Variants in BIRC7 observed in about 807,000 individuals in gnomAD.
The protein encoded by BIRC7 is baculoviral IAP repeat-containing protein 7.
In BIRC7, 26 loss-of-function variants were observed where a neutral mutation model predicts 33.2. The ratio of observed to expected loss-of-function variants is 0.78; its 90% CI spans 0.57 to 1.09. The LOEUF (loss-of-function observed/expected upper bound fraction) is 1.09. BIRC7 is among the 50% of genes least tolerant of loss of function. The pLI, the probability that BIRC7 is intolerant of heterozygous loss-of-function variation, is 0.00. For missense variants in BIRC7, 409 were observed against 401.2 expected, an observed-to-expected ratio of 1.02 and a Z score of -0.17; for synonymous variants, 176 against 171.0, an observed-to-expected ratio of 1.03 and a Z score of -0.23.
rs866304406 is a variant in BIRC7 at position 63,236,344 on chromosome 20, G to A, written c.248G>A (p.Gly83Asp). ...TTGTCCAGGGGGCCTGCCTTCCCCG[G>A]CATGGGCTCTGAGGAGTTGCGTCTG... is the stretch of plus-strand genomic sequence containing the variant. ...ATLSRGPAFPGMGSEELRLAS... is the reference protein window; with the variant it reads ...ATLSRGPAFPDMGSEELRLAS... Residue 83 changes from glycine (G) to aspartate (D), a missense_variant, in exon 1 of 7, where the codon GGC (glycine) becomes GAC (aspartate). Transcript: ENST00000217169. 6.2e-7 allele frequency: 1 copy of A among 1,603,686 alleles called. No homozygotes were observed. Among genetic ancestry groups the A allele is most frequent in the South Asian group, 1.1e-5 (1 of 90,692 alleles).
chr20:63,240,063 CCCCAT>C (rs1743615325), intron 6 of BIRC7, among the ~76,000 whole-genome samples, 188 bp from the exon 7 acceptor site: 1 of 152,208 alleles, frequency 6.6e-6, no homozygotes, highest in Non-Finnish European at 1.5e-5. Flanking sequence ...GGGTGGGATA[CCCCAT>C]ACTGGCCGAG....
At chr20:63,237,731 T>G (rs1032388584) in intron 1 of BIRC7, among the ~76,000 whole-genome samples, 172 bp from the exon 2 acceptor site, 6 of 152,112 alleles carry the variant, frequency 3.9e-5, no homozygotes, top group Non-Finnish European at 5.9e-5. Flanking sequence ...TCACCTTTGA[T>G]GCTAATGAGG....
chr20:63,238,197 T>C, intron 2 of BIRC7, 195 bp downstream of exon 2: 2 of 856,468 alleles, frequency 2.3e-6, no homozygotes, highest in African/African-American at 1.7e-5. Flanking sequence ...GAAGGGCTGC[T>C]GGGGGCAGAA....
chr20:63,238,180 C>A, intron 2 of BIRC7, 178 bp downstream of exon 2: 1 of 853,324 alleles, frequency 1.2e-6, no homozygotes, highest in Non-Finnish European at 1.8e-6. Context: ...GTGAGGGCCC[C>A]TTTTCGGAAG....
chr20:63,238,814 C>G, intron 4 of BIRC7, 200 bp downstream of exon 4: 1 of 729,720 alleles, frequency 1.4e-6, no homozygotes, highest in Non-Finnish European at 2.2e-6. Flanking sequence ...TCCCCCAGTG[C>G]CAGGCCCCAT....
At position 63,238,558 on chromosome 20, in the gene BIRC7, G is replaced by A. The variant is rs199946289; in HGVS notation, c.532-11G>A. ...TTTCCCCAAGGCCTGATGGTCTCTG[G>A]CTCCTTCCAGGACCCGTGGGAAGAA... On this transcript the variant is annotated splice_polypyrimidine_tract_variant and intron_variant, in intron 3 of 6. Transcript: ENST00000217169. The A allele has an allele frequency of 2.5e-6, 4 of 1,613,112 alleles. No homozygotes were observed. In the East Asian group the frequency reaches 6.7e-5, roughly 27 times the overall value.
intron 1 of BIRC7, 135 bp from the exon 2 acceptor site, chr20:63,237,768 C>A: frequency 1.5e-6 from 1 of 673,090 alleles, no homozygotes; most frequent in East Asian, 3.1e-5. Context: ...CACCAAGCCC[C>A]CTGCCCACCC....
Position 63,238,310 on chromosome 20 carries a change from C to T in BIRC7, c.450-86C>T, listed in dbSNP as rs1044199004. The stretch of plus-strand genomic sequence containing the variant: ...ACTGCAGGGTGGCGGGAGGAGGGGG[C>T]CCAACCCTGACCCCCGGGGATCCAA... On this transcript the variant is annotated intron_variant, in intron 2 of 6. Transcript: ENST00000217169. 3.3e-6 allele frequency: 5 copies of T among 1,514,248 alleles called. No homozygotes were observed. In the African/African-American group the frequency reaches 5.5e-5, roughly 17 times the overall value. 93.8% of individuals were successfully genotyped at this position (1,514,248 alleles called of 1,614,324 possible).
At position 63,237,893 on chromosome 20, in the gene BIRC7, C is replaced by T. The variant is rs374522280; in HGVS notation, c.350-10C>T. The stretch of plus-strand genomic sequence containing the variant: ...GACTTGGCTGGGGCCAGCATCTCTC[C>T]GCACCCCAGGCCATCAGGACAAGGT... On this transcript the variant is annotated splice_polypyrimidine_tract_variant and intron_variant, in intron 1 of 6. Coordinates refer to ENST00000217169, the MANE Select transcript of BIRC7 (RefSeq NM_139317.3). 183 of 1,590,274 alleles carry T rather than the reference C, an allele frequency of 1.2e-4. No homozygotes were observed. The Middle Eastern group carries it at 1.3e-3, about 12-fold the overall frequency.
chr20:63,239,860 C>T (rs1018654528), intron 6 of BIRC7, among the ~76,000 whole-genome samples: 3 of 152,234 alleles, frequency 2.0e-5, no homozygotes, highest in African/African-American at 4.8e-5. Flanking sequence ...CATTAACTGA[C>T]GCCTGCTGGC....
chr20:63,235,968 C>T lies in BIRC7; in HGVS notation c.-129C>T, dbSNP rs1480595866. On this transcript the variant is annotated 5_prime_UTR_variant, in exon 1 of 7. Coordinates refer to ENST00000217169, the MANE Select transcript of BIRC7 (RefSeq NM_139317.3). ...CAGGGTGTCTGGTGGCAGGCCTGTGCCTATCCCTGCTGTCCCCAGGGTGGG... is the reference window on the plus strand; with the variant it reads ...CAGGGTGTCTGGTGGCAGGCCTGTGTCTATCCCTGCTGTCCCCAGGGTGGG... 3 of 1,207,026 alleles carry T rather than the reference C, an allele frequency of 2.5e-6. No homozygotes were observed. The highest frequency in any genetic ancestry group is 3.4e-6 in the Non-Finnish European group (3 of 886,324). The allele number at this position is 1,207,026 out of a possible 1,614,324, so 74.8% of individuals were successfully genotyped here.
intron 2 of BIRC7, 180 bp from the exon 3 acceptor site, chr20:63,238,216 C>A: frequency 1.1e-6 from 1 of 879,164 alleles, no homozygotes; most frequent in Non-Finnish European, 1.8e-6. Context: ...AAATGCCTCT[C>A]CCATGGGACT....
chr20:63,236,455 G>T lies in BIRC7; in HGVS notation c.349+10G>T. ...GGCTTCTTCCACACAGGTCAGTCCC[G>T]GGCGGGGGGGCCTTCCTGCCGTGGG... On this transcript the variant is annotated intron_variant, in intron 1 of 6. Transcript: ENST00000217169. The T allele has an allele frequency of 2.0e-6, 3 of 1,510,514 alleles. No homozygotes were observed. Among genetic ancestry groups the T allele is most frequent in the Non-Finnish European group, 2.6e-6 (3 of 1,132,456 alleles). The allele number at this position is 1,510,514 out of a possible 1,614,324, so 93.6% of individuals were successfully genotyped here.
chr20:63,237,560 G>A (rs2066698396), intron 1 of BIRC7, among the ~76,000 whole-genome samples: 1 of 152,132 alleles, frequency 6.6e-6, no homozygotes, highest in African/African-American at 2.4e-5. Flanking sequence ...CAGAGACCTG[G>A]GGAGGGGCCC....
Position 63,238,460 on chromosome 20 carries a change from C to A in BIRC7, c.514C>A (p.Gln172Lys), listed in dbSNP as rs1396531264. 6.2e-7 allele frequency: 1 copy of A among 1,612,878 alleles called. No individual in the cohort carries two copies. The highest frequency in any genetic ancestry group is 1.1e-5 in the South Asian group (1 of 91,086). Residue 172 changes from glutamine (Q) to lysine (K), a missense_variant, in exon 3 of 7, where the codon CAG (glutamine) becomes AAG (lysine). Gln to Lys is a moderately conservative substitution (Grantham distance 53, BLOSUM62 1). Transcript: ENST00000217169. ...FVHSVQETHS[Q>K]LLGSWDPWEE... The stretch of plus-strand genomic sequence containing the variant: ...CCACAGTGTGCAGGAGACTCACTCC[C>A]AGCTGCTGGGCTCCTGGGTGAGCGC...
chr20:63,237,255 T>C (rs1253619682), intron 1 of BIRC7, among the ~76,000 whole-genome samples: 2 of 152,162 alleles, frequency 1.3e-5, no homozygotes, highest in Non-Finnish European at 2.9e-5. Context: ...CCCACCTCCC[T>C]GGAAGTCCAA....
chr20:63,239,388 CGT>C lies in BIRC7; in HGVS notation c.682_683del (p.Trp228ValfsTer4), dbSNP rs1568696929. On this transcript the variant is annotated frameshift_variant, in exon 6 of 7. Transcript: ENST00000217169. LOFTEE classifies it high-confidence loss of function. ...GTCAGTCCAGCCGAGGCCCAGAGGG[CGT>C]GGTGGGTTCTTGAGCCCCCAGGAGC... 1 of 1,604,302 alleles carries C rather than the reference CGT, an allele frequency of 6.2e-7. No individual in the cohort carries two copies. Among genetic ancestry groups the C allele is most frequent in the Non-Finnish European group, 8.5e-7 (1 of 1,179,732 alleles).
intron 2 of BIRC7, 74 bp from the exon 3 acceptor site, chr20:63,238,322 C>G: frequency 6.4e-7 from 1 of 1,567,854 alleles, no homozygotes; most frequent in East Asian, 2.3e-5. Flanking sequence ...CAACCCTGAC[C>G]CCCGGGGATC....
rs1007344821 is a variant in BIRC7, at chr20:63,239,675, C to T, written c.*5+65C>T. On this transcript the variant is annotated intron_variant, in intron 6 of 6. Transcript: ENST00000217169. ...GAGGGGGCCCTGAGCCGGCTGTGCC[C>T]GGCCCTCCTGAACCCATGCAGGCCC... 20 of 1,513,172 alleles carry T rather than the reference C, an allele frequency of 1.3e-5. No individual in the cohort carries two copies. In the Admixed American group the frequency reaches 1.6e-4, roughly 12 times the overall value. The allele number at this position is 1,513,172 out of a possible 1,614,324, so 93.7% of individuals were successfully genotyped here. A position where few individuals can be genotyped will look rare whatever the true frequency, so the allele number is the denominator to read the frequency against.
Sources: allele counts gnomAD v4.1 joint callset (sites outside exome capture counted in the v4.1 genomes callset), GRCh38; gene constraint gnomAD v4.1.1; transcripts MANE v1.5; gene names NCBI Gene and HGNC (gene_info 2026-07-23, HGNC 2026-07-21).